ZNF566: variants seen among roughly 807,000 people sequenced by gnomAD.
ZNF566 encodes the protein zinc finger protein 566.
A neutral mutation model predicts 32.8 loss-of-function variants in ZNF566; 27 were observed. That is an observed-to-expected ratio of 0.82 (90% confidence interval 0.61 to 1.14). The LOEUF (loss-of-function observed/expected upper bound fraction) is 1.14, where lower values mean the gene tolerates loss of function less well. Ranked by LOEUF, ZNF566 falls within the 50% of genes most tolerant of loss-of-function variation. The probability of loss-of-function intolerance (pLI) is 0.00; values close to 1 mark genes in which losing one functional copy is unlikely to be tolerated. For synonymous variants in ZNF566, 154 were observed against 159.5 expected (o/e 0.97, Z 0.26); for missense variants, 402 against 490.4 (o/e 0.82, Z 1.70).
In ZNF566 at chr19:36,449,815, T is replaced by C. The variant is rs919099958; in HGVS notation, c.419A>G (p.Asn140Ser). 19 of 1,614,060 alleles carry C rather than the reference T, an allele frequency of 1.2e-5. 1 individual carries two copies. The highest frequency in any genetic ancestry group is 5.0e-5 in the Admixed American group (3 of 59,998). ...KELGSQGGHF[N>S]QLVFTHEDLP... ...ATCTTCATGAGTGAATACCAATTGA[T>C]TGAAATGTCCCCCCTGAGAGCCGAG... The change falls in exon 5 of 5, where the codon AAT (asparagine) becomes AGT (serine). Residue 140 changes from asparagine to serine, a missense_variant. Asn to Ser is a conservative substitution (Grantham distance 46). Coordinates refer to ENST00000452939, the MANE Select transcript of ZNF566 (RefSeq NM_001145344.1).
chr19:36,471,097 C>T (rs1161753255), intron 4 of ZNF566, among the ~76,000 whole-genome samples: 1 of 151,240 alleles, frequency 6.6e-6, no homozygotes, highest in Non-Finnish European at 1.5e-5. Flanking sequence ...ACCTGTAATC[C>T]CAACTACTCG....
chr19:36,467,156 C>G (rs1487795344), intron 4 of ZNF566, among the ~76,000 whole-genome samples: 1 of 151,296 alleles, frequency 6.6e-6, no homozygotes, highest in African/African-American at 2.4e-5. Context: ...AGAATTTCAG[C>G]TGGGCATGGT....
At chr19:36,456,380 C>CAAAAAAAAAAA (rs59964294) in intron 4 of ZNF566, 5 of 96,484 alleles carry the variant, frequency 5.2e-5, no homozygotes, top group African/African-American at 7.8e-5. Flanking sequence ...TACTAAAATA[C>CAAAAAAAAAAA]AAAAAAAAAA....
At chr19:36,471,827 C>T (rs1014260549) in intron 4 of ZNF566, among the ~76,000 whole-genome samples, 1 of 152,072 alleles carries the variant, frequency 6.6e-6, no homozygotes, top group African/African-American at 2.4e-5. Context: ...ACTGCAACCT[C>T]CACCTCCTGG....
chr19:36,467,018 G>A (rs1248238787), intron 4 of ZNF566, among the ~76,000 whole-genome samples: 2 of 150,438 alleles, frequency 1.3e-5, no homozygotes, highest in Non-Finnish European at 2.9e-5. Context: ...GCAGTGAGCC[G>A]AGATGGCGCC....
chr19:36,460,465 TA>T (rs1357535439), intron 4 of ZNF566, among the ~76,000 whole-genome samples: 1 of 151,972 alleles, frequency 6.6e-6, no homozygotes, highest in Non-Finnish European at 1.5e-5. Flanking sequence ...ATGGAGGTAA[TA>T]AAGTCAATAA....
chr19:36,466,979 G>A (rs1235991275), intron 4 of ZNF566, among the ~76,000 whole-genome samples: 1 of 150,864 alleles, frequency 6.6e-6, no homozygotes, highest in African/African-American at 2.5e-5. Context: ...TGAGGTAGGA[G>A]AATGGTGTGA....
chr19:36,475,018 A>T (rs926435468), intron 2 of ZNF566, among the ~76,000 whole-genome samples: 4 of 152,156 alleles, frequency 2.6e-5, no homozygotes, highest in Non-Finnish European at 5.9e-5. Flanking sequence ...GTGAAGGATG[A>T]TCCAGTTTCA....
At chr19:36,459,586 C>CCA (rs1332697296) in intron 4 of ZNF566, among the ~76,000 whole-genome samples, 1 of 151,246 alleles carries the variant, frequency 6.6e-6, no homozygotes, top group Non-Finnish European at 1.5e-5. Flanking sequence ...TCTCGGCTCA[C>CCA]CACAACCTCT....
In ZNF566 at chr19:36,473,507, T is replaced by G. The variant is rs763313608; in HGVS notation, c.10-49A>C. On this transcript the variant is annotated intron_variant, in intron 2 of 4. Coordinates refer to ENST00000452939, the MANE Select transcript of ZNF566 (RefSeq NM_001145344.1). ...ACTTCATTAATTTTTTAAAAAGTAC[T>G]TTTGTGAAGGAAAGAGAGAAGAAAA... 10 of 1,486,504 alleles carry G rather than the reference T, an allele frequency of 6.7e-6. No homozygotes were observed. The East Asian group carries it at 2.4e-4, about 35-fold the overall frequency. The allele number at this position is 1,486,504 out of a possible 1,614,324, so 92.1% of individuals were successfully genotyped here.
chr19:36,470,990 C>T (rs1481749452), intron 4 of ZNF566, among the ~76,000 whole-genome samples: 1 of 151,478 alleles, frequency 6.6e-6, no homozygotes, highest in Non-Finnish European at 1.5e-5. Context: ...AGGTGGATCA[C>T]AAGGTCAGGA....
intron 4 of ZNF566, 144 bp from the exon 5 acceptor site, chr19:36,450,145 A>G: frequency 1.5e-6 from 1 of 673,654 alleles, no homozygotes. Context: ...ACATAATAAG[A>G]TGAGGGTAGT....
chr19:36,449,422 G>A lies in ZNF566; in HGVS notation c.812C>T (p.Thr271Ile). 1 of 1,613,634 alleles carries A rather than the reference G, an allele frequency of 6.2e-7. No homozygotes were observed. Among genetic ancestry groups the A allele is most frequent in the Admixed American group, 1.7e-5 (1 of 59,962 alleles). Residue 271 changes from threonine to isoleucine, a missense_variant, in exon 5 of 5, where the codon ACT (threonine) becomes ATT (isoleucine). Physicochemically the swap from Thr to Ile is moderately conservative, Grantham distance 89. Transcript: ENST00000452939. The part of the protein sequence containing the change: ...GKAFSSGSNF[T>I]RHQRIHTGEK... ...ACCTGTGTGAATTCTCTGATGTCGA[G>A]TGAAGTTTGAACCACTACTAAAGGC... is the stretch of plus-strand genomic sequence containing the variant.
intron 4 of ZNF566, among the ~76,000 whole-genome samples, chr19:36,454,363 A>G (rs2033246534): frequency 6.6e-6 from 1 of 152,168 alleles, no homozygotes; most frequent in Non-Finnish European, 1.5e-5. Flanking sequence ...ATCAAAAAGA[A>G]AGAGTGAGAT....
chr19:36,479,678 A>G (rs2033977754), intron 1 of ZNF566, among the ~76,000 whole-genome samples: 1 of 152,212 alleles, frequency 6.6e-6, no homozygotes, highest in Non-Finnish European at 1.5e-5. Flanking sequence ...TTTGTTACCC[A>G]GGTCGGAGTG....
intron 4 of ZNF566, among the ~76,000 whole-genome samples, chr19:36,463,423 A>G (rs1283304655): frequency 6.6e-6 from 1 of 152,080 alleles, no homozygotes; most frequent in African/African-American, 2.4e-5. Context: ...ACACTGAAAT[A>G]CCATCAAGAA....
intron 4 of ZNF566, among the ~76,000 whole-genome samples, chr19:36,467,455 A>T (rs2033645390): frequency 6.9e-6 from 1 of 144,562 alleles, no homozygotes; most frequent in Non-Finnish European, 1.5e-5. Context: ...AAAAAAAAAG[A>T]ATTTCAAAAA....
At chr19:36,481,473 GAAAAAAA>G (rs79028574) in intron 1 of ZNF566, among the ~76,000 whole-genome samples, 36 of 110,844 alleles carry the variant, frequency 3.2e-4, no homozygotes, top group Middle Eastern at 4.7e-3. Context: ...ACTGTCTCGG[GAAAAAAA>G]AAAAAAAAAA....
Position 36,453,496 on chromosome 19 carries a change from TAAATAAATA to T in ZNF566, c.233-3504_233-3496del, listed in dbSNP as rs1568510892. On this transcript the variant is annotated intron_variant, in intron 4 of 4. Coordinates refer to ENST00000452939, the MANE Select transcript of ZNF566 (RefSeq NM_001145344.1). Reference sequence around the variant, plus strand: ...TCAAATAAATAAATAAATAAATAAATAAATAAATAAATTAATTAATTAAAATAAAATAAA... The same window carrying T: ...TCAAATAAATAAATAAATAAATAAATAATTAATTAATTAAAATAAAATAAA... 3.4e-4 allele frequency among the ~76,000 whole-genome samples: 42 copies of T among 123,226 alleles called. No individual in the cohort carries two copies. The East Asian group carries it at 7.9e-3, about 23-fold the overall frequency. The allele number at this position is 123,226 out of a possible 152,430, so 80.8% of individuals were successfully genotyped here.
Sources: gnomAD v4.1 joint callset for allele counts (sites outside exome capture counted in the v4.1 genomes callset) on GRCh38, gnomAD v4.1.1 for gene constraint, MANE v1.5 for transcripts, NCBI Gene and HGNC (gene_info 2026-07-23, HGNC 2026-07-21) for gene names.